CSMD1: variants seen among roughly 807,000 people sequenced by gnomAD.
CSMD1 encodes CUB and Sushi multiple domains 1, also known as CUB and sushi domain-containing protein 1.
A neutral mutation model predicts 417.5 loss-of-function variants in CSMD1; 213 were observed. The ratio of observed to expected loss-of-function variants is 0.51; its 90% CI spans 0.46 to 0.57. CSMD1 has a LOEUF of 0.57. Ranked by LOEUF, CSMD1 falls within the 20% of genes least tolerant of loss-of-function variation. The pLI, the probability that CSMD1 is intolerant of heterozygous loss-of-function variation, is 0.00. For missense variants in CSMD1, 6,923 were observed against 4,529.7 expected, an observed-to-expected ratio of 1.53 and a Z score of -15.17; for synonymous variants, 2,862 against 1,736.8, an observed-to-expected ratio of 1.65 and a Z score of -16.11.
At chr8:3,278,986 C>T (rs1437112463) in intron 26 of CSMD1, 3 of 152,104 alleles carry the variant, frequency 2.0e-5, no homozygotes, top group Admixed American at 6.5e-5. Context: ...ACTAGAAAAC[C>T]AGGACATGAT....
chr8:3,839,404 A>G (rs1367711661), intron 5 of CSMD1, among the ~76,000 whole-genome samples: 1 of 59,848 alleles, frequency 1.7e-5, no homozygotes, highest in Non-Finnish European at 3.5e-5. Context: ...ATATTTATAT[A>G]TAATAAAAAA....
chr8:4,243,254 G>A (rs914629568), intron 3 of CSMD1, among the ~76,000 whole-genome samples: 3 of 152,100 alleles, frequency 2.0e-5, no homozygotes, highest in African/African-American at 2.4e-5. Flanking sequence ...ACCAGCTCAG[G>A]TATTTTCTTA....
intron 3 of CSMD1, among the ~76,000 whole-genome samples, chr8:4,131,111 C>T (rs913829536): frequency 1.3e-5 from 2 of 152,124 alleles, no homozygotes; most frequent in African/African-American, 4.8e-5. Flanking sequence ...AAAAGGAGAA[C>T]CACTGCTTAT....
At chr8:4,877,042 C>G (rs1803087376) in intron 1 of CSMD1, among the ~76,000 whole-genome samples, 1 of 151,940 alleles carries the variant, frequency 6.6e-6, no homozygotes, top group Non-Finnish European at 1.5e-5. Flanking sequence ...AGGCATCCTC[C>G]TTATGTGGAG....
intron 5 of CSMD1, among the ~76,000 whole-genome samples, chr8:3,981,632 G>A (rs540639514): frequency 2.0e-5 from 3 of 151,360 alleles, no homozygotes; most frequent in East Asian, 1.9e-4. Context: ...TTCCCTTTGA[G>A]TTGTCTTTTA....
intron 3 of CSMD1, among the ~76,000 whole-genome samples, chr8:4,286,969 A>T (rs999623867): frequency 2.0e-5 from 3 of 152,218 alleles, no homozygotes; most frequent in Non-Finnish European, 2.9e-5. Context: ...CAGCTGAAGG[A>T]GGCTGACATC....
chr8:3,343,793 G>C (rs755964450), intron 22 of CSMD1, among the ~76,000 whole-genome samples: 1 of 151,882 alleles, frequency 6.6e-6, no homozygotes, highest in East Asian at 1.9e-4. Context: ...TCATAGTTCA[G>C]TTATAAAAGT....
intron 2 of CSMD1, among the ~76,000 whole-genome samples, chr8:4,613,070 C>G (rs896590463): frequency 2.0e-5 from 3 of 152,096 alleles, no homozygotes; most frequent in East Asian, 3.9e-4. Context: ...GCTGGTTTTC[C>G]CTCACTTTCC....
At chr8:3,488,582 A>G (rs1818189313) in intron 11 of CSMD1, among the ~76,000 whole-genome samples, 1 of 152,212 alleles carries the variant, frequency 6.6e-6, no homozygotes, top group African/African-American at 2.4e-5. Context: ...GTATATCAGT[A>G]GGCTAATTCC....
At chr8:4,468,744 C>G (rs779067985) in intron 2 of CSMD1, among the ~76,000 whole-genome samples, 1 of 152,150 alleles carries the variant, frequency 6.6e-6, no homozygotes, top group Non-Finnish European at 1.5e-5. Flanking sequence ...CTACTCTGGG[C>G]TTGCTTCTAT....
At chr8:4,570,829 T>A (rs1304554425) in intron 2 of CSMD1, among the ~76,000 whole-genome samples, 1 of 152,170 alleles carries the variant, frequency 6.6e-6, no homozygotes, top group Non-Finnish European at 1.5e-5. Flanking sequence ...AACTTGTTAT[T>A]GGTCTATTTC....
intron 23 of CSMD1, among the ~76,000 whole-genome samples, chr8:3,330,806 C>G (rs912640835): frequency 6.6e-6 from 1 of 152,148 alleles, no homozygotes; most frequent in Non-Finnish European, 1.5e-5. Flanking sequence ...AATTTTGTTG[C>G]TCTCCCATGG....
intron 3 of CSMD1, among the ~76,000 whole-genome samples, chr8:4,269,526 C>G (rs187250429): frequency 6.6e-6 from 1 of 152,192 alleles, no homozygotes; most frequent in Non-Finnish European, 1.5e-5. Flanking sequence ...TAACTAAAAG[C>G]CCTCAATATA....
At position 4,565,749 on chromosome 8, in the gene CSMD1, C is replaced by CAT. The variant is rs58696547; in HGVS notation, c.302+71591_302+71592dup. ...CACTCCACCTTAAAAAAAATATATACATATATATATATATATATATATATA... is the reference window on the plus strand; with the variant it reads ...CACTCCACCTTAAAAAAAATATATACATATATATATATATATATATATATATA... On this transcript the variant is annotated intron_variant, in intron 2 of 69. Coordinates refer to ENST00000635120, the MANE Select transcript of CSMD1 (RefSeq NM_033225.6). Among the ~76,000 whole-genome samples, 403 of 118,160 alleles carry CAT rather than the reference C, an allele frequency of 3.4e-3. 2 individuals carry two copies. The highest frequency in any genetic ancestry group is 4.9e-3 in the African/African-American group (137 of 27,834). 77.5% of individuals were successfully genotyped at this position (118,160 alleles called of 152,430 possible).
intron 6 of CSMD1, among the ~76,000 whole-genome samples, chr8:3,753,545 C>T (rs1584946850): frequency 6.6e-6 from 1 of 152,256 alleles, no homozygotes; most frequent in African/African-American, 2.4e-5. Context: ...AGTGATATTA[C>T]AATACTTTTT....
At chr8:4,962,005 G>A (rs1408930310) in intron 1 of CSMD1, among the ~76,000 whole-genome samples, 3 of 151,726 alleles carry the variant, frequency 2.0e-5, no homozygotes, top group African/African-American at 7.3e-5. Flanking sequence ...CAAAATTTCT[G>A]TTATCTCTCT....
intron 5 of CSMD1, among the ~76,000 whole-genome samples, chr8:3,824,657 T>C (rs1801947510): frequency 6.6e-6 from 1 of 152,216 alleles, no homozygotes; most frequent in Admixed American, 6.5e-5. Context: ...TAGCATTTGT[T>C]ATATATTGAG....
chr8:4,094,283 G>A (rs997642192), intron 3 of CSMD1, among the ~76,000 whole-genome samples: 4 of 152,218 alleles, frequency 2.6e-5, no homozygotes, highest in Non-Finnish European at 4.4e-5. Flanking sequence ...GGGGGAGGCG[G>A]TAGGGAACAA....
At chr8:4,075,712 T>C (rs1291446562) in intron 3 of CSMD1, among the ~76,000 whole-genome samples, 1 of 152,168 alleles carries the variant, frequency 6.6e-6, no homozygotes, top group Non-Finnish European at 1.5e-5. Flanking sequence ...AAATTGTCAA[T>C]GTAGAAACGG....
Sources: gnomAD v4.1 joint callset for allele counts (sites outside exome capture counted in the v4.1 genomes callset) on GRCh38, gnomAD v4.1.1 for gene constraint, MANE v1.5 for transcripts, NCBI Gene and HGNC (gene_info 2026-07-23, HGNC 2026-07-21) for gene names.